Variants in KLF8 observed in about 807,000 individuals in gnomAD.
KLF8 encodes KLF transcription factor 8, also known as Krueppel-like factor 8.
In KLF8, 10 loss-of-function variants were observed where a neutral mutation model predicts 18.2. The observed-to-expected ratio is 0.55, with a 90% CI of 0.34 to 0.93. The LOEUF is 0.93. Among genes scored for constraint, KLF8 ranks in the 40% least tolerant of loss-of-function variants. The pLI, the probability that KLF8 is intolerant of heterozygous loss-of-function variation, is 0.02. For missense variants in KLF8, 264 were observed against 277.9 expected (o/e 0.95, Z 0.36); for synonymous variants, 109 against 97.3 (o/e 1.12, Z -0.71).
the KLF8 span, among the ~76,000 whole-genome samples, chrX:56,181,654 C>T: frequency 9.0e-6 from 1 of 111,377 alleles, no homozygotes; most frequent in African/African-American, 3.3e-5. Flanking sequence ...GAAAGGCAGG[C>T]CTGGTGGTGA....
the KLF8 span, among the ~76,000 whole-genome samples, chrX:56,164,504 T>C: frequency 1.1e-5 from 1 of 93,846 alleles, no homozygotes; most frequent in African/African-American, 3.8e-5. Flanking sequence ...TCAAATAGAG[T>C]AGAAAAGAAC....
At chrX:55,997,795 C>T in the KLF8 span, among the ~76,000 whole-genome samples, 1 of 111,752 alleles carries the variant, frequency 8.9e-6, no homozygotes, top group South Asian at 3.7e-4. Flanking sequence ...CCCCTCCACA[C>T]CTGTGGGTGT....
chrX:56,144,758 A>C, the KLF8 span, among the ~76,000 whole-genome samples: 14 of 68,280 alleles, frequency 2.1e-4, no homozygotes, highest in Admixed American at 1.1e-3. Flanking sequence ...GTCTCACACA[A>C]AAAAAAAAAA....
the KLF8 span, among the ~76,000 whole-genome samples, chrX:56,019,023 T>C: frequency 1.8e-5 from 2 of 112,032 alleles, no homozygotes; most frequent in Non-Finnish European, 1.9e-5. Context: ...GATTTTAGGC[T>C]CTGACAGCCT....
intron 2 of KLF8, among the ~76,000 whole-genome samples, chrX:56,258,418 G>A (rs1466470314): frequency 9.0e-6 from 1 of 110,879 alleles, no homozygotes; most frequent in African/African-American, 3.3e-5. Flanking sequence ...GACCACAGGC[G>A]CCTGCCACCA....
chrX:56,285,502 G>A lies in KLF8; in HGVS notation c.*1008G>A, dbSNP rs2067258829. On this transcript the variant is annotated 3_prime_UTR_variant, in exon 6 of 6. Transcript: ENST00000468660. Reference sequence around the variant, plus strand: ...TTCGTTTACACAAAGAAGCAATTGAGTATATTGCATGATGAGAAATCACAC... The same window carrying A: ...TTCGTTTACACAAAGAAGCAATTGAATATATTGCATGATGAGAAATCACAC... 1 of 111,686 alleles carries A rather than the reference G, an allele frequency of 9.0e-6. No homozygotes were observed. Among genetic ancestry groups the A allele is most frequent in the Non-Finnish European group, 1.9e-5 (1 of 53,134 alleles). The allele number at this position is 111,686 out of a possible 1,213,427, so 9.2% of individuals were successfully genotyped here.
the KLF8 span, among the ~76,000 whole-genome samples, chrX:56,213,598 C>A: frequency 9.1e-6 from 1 of 110,490 alleles, no homozygotes; most frequent in African/African-American, 3.3e-5. Context: ...GCTGGGATAA[C>A]AGGCATGAGC....
the KLF8 span, among the ~76,000 whole-genome samples, chrX:55,993,910 G>GT: frequency 0.019 from 1,721 of 90,005 alleles, 29 homozygotes; most frequent in Admixed American, 0.048. Flanking sequence ...GTTTATAGAG[G>GT]TTTTTTTTTT....
the KLF8 span, among the ~76,000 whole-genome samples, chrX:56,034,093 C>G: frequency 3.6e-5 from 4 of 111,888 alleles, no homozygotes; most frequent in Non-Finnish European, 5.6e-5. Context: ...ATTGCCAGAC[C>G]AATTTCATGT....
At chrX:56,126,776 G>C in the KLF8 span, among the ~76,000 whole-genome samples, 3 of 83,911 alleles carry the variant, frequency 3.6e-5, no homozygotes, top group African/African-American at 1.4e-4. Context: ...TTTTTGAGAC[G>C]AAGTCTCGCT....
chrX:56,061,587 T>C, the KLF8 span, among the ~76,000 whole-genome samples: 2 of 111,772 alleles, frequency 1.8e-5, no homozygotes, highest in Middle Eastern at 4.6e-3. Context: ...CTTCCAATTA[T>C]GTCATCAATT....
At chrX:56,148,552 A>G in the KLF8 span, among the ~76,000 whole-genome samples, 1 of 112,119 alleles carries the variant, frequency 8.9e-6, no homozygotes, top group Admixed American at 9.5e-5. Context: ...AGAAATGTGT[A>G]TTAGTCTGTT....
At chrX:56,094,117 A>G in the KLF8 span, among the ~76,000 whole-genome samples, 7 of 110,748 alleles carry the variant, frequency 6.3e-5, no homozygotes, top group East Asian at 2.8e-4. Flanking sequence ...AACTACATTA[A>G]TAATCATTTT....
chrX:55,980,045 G>A, the KLF8 span, among the ~76,000 whole-genome samples: 3 of 112,070 alleles, frequency 2.7e-5, no homozygotes, highest in South Asian at 1.1e-3. Flanking sequence ...GTATACCATT[G>A]AAGTTAGTCT....
chrX:56,095,642 G>T, the KLF8 span, among the ~76,000 whole-genome samples: 14 of 110,532 alleles, frequency 1.3e-4, no homozygotes, highest in Non-Finnish European at 5.7e-5. Flanking sequence ...AAATGGGAAG[G>T]GATATGAACA....
the KLF8 span, among the ~76,000 whole-genome samples, chrX:56,169,832 C>T: frequency 9.0e-6 from 1 of 111,290 alleles, no homozygotes; most frequent in Admixed American, 9.6e-5. Flanking sequence ...TGCCCCAGGG[C>T]CTTTTGTGAA....
the KLF8 span, among the ~76,000 whole-genome samples, chrX:56,003,140 C>T: frequency 9.0e-6 from 1 of 111,455 alleles, no homozygotes; most frequent in African/African-American, 3.3e-5. Flanking sequence ...CCTGTAATCC[C>T]AGCACTTTGC....
At chrX:56,095,109 G>T in the KLF8 span, among the ~76,000 whole-genome samples, 1 of 111,425 alleles carries the variant, frequency 9.0e-6, no homozygotes, top group African/African-American at 3.2e-5. Context: ...GCATGGCACT[G>T]GTATAAAAAT....
At chrX:56,024,226 T>C in the KLF8 span, among the ~76,000 whole-genome samples, 1 of 103,197 alleles carries the variant, frequency 9.7e-6, no homozygotes, top group East Asian at 2.8e-4. Context: ...TTTTTTTTTT[T>C]GGAGTTAGAG....
Sources: gnomAD v4.1 joint callset for allele counts (sites outside exome capture counted in the v4.1 genomes callset) on GRCh38, gnomAD v4.1.1 for gene constraint, MANE v1.5 for transcripts, NCBI Gene and HGNC (gene_info 2026-07-23, HGNC 2026-07-21) for gene names.